LHFPL3: variants seen among roughly 807,000 people sequenced by gnomAD.
The protein encoded by LHFPL3 is LHFPL tetraspan subfamily member 3.
A neutral mutation model predicts 19.3 loss-of-function variants in LHFPL3; 5 were observed. The ratio of observed to expected loss-of-function variants is 0.26; its 90% CI spans 0.14 to 0.54. The LOEUF is 0.54. Among genes scored for constraint, LHFPL3 ranks in the 20% least tolerant of loss-of-function variants. LHFPL3 has a pLI of 0.94. For synonymous variants in LHFPL3, 133 were observed against 126.2 expected (o/e 1.05, Z -0.36); for missense variants, 249 against 307.4 (o/e 0.81, Z 1.42).
intron 1 of LHFPL3, among the ~76,000 whole-genome samples, chr7:104,430,039 G>A (rs564046303): frequency 1.9e-4 from 29 of 152,132 alleles, no homozygotes; most frequent in Admixed American, 6.5e-4. Flanking sequence ...GCTCAACATC[G>A]TCTGAGTGTA....
intron 2 of LHFPL3, among the ~76,000 whole-genome samples, chr7:104,854,125 G>C (rs1323545254): frequency 1.3e-5 from 2 of 152,118 alleles, no homozygotes; most frequent in Non-Finnish European, 1.5e-5. Context: ...CGTATACATA[G>C]GAGATACCCA....
At chr7:104,490,022 A>G (rs546913727) in intron 1 of LHFPL3, among the ~76,000 whole-genome samples, 1 of 152,298 alleles carries the variant, frequency 6.6e-6, no homozygotes, top group South Asian at 2.1e-4. Context: ...ATCCAACAGG[A>G]TAGCATAGGG....
chr7:104,842,360 A>G (rs1167381228), intron 2 of LHFPL3, among the ~76,000 whole-genome samples: 1 of 152,014 alleles, frequency 6.6e-6, no homozygotes, highest in Non-Finnish European at 1.5e-5. Context: ...GACAGCTTAC[A>G]CCTAGGAATC....
intron 1 of LHFPL3, among the ~76,000 whole-genome samples, chr7:104,513,573 C>T (rs1340716953): frequency 6.6e-6 from 1 of 152,148 alleles, no homozygotes; most frequent in East Asian, 1.9e-4. Context: ...GGGAGATCCC[C>T]ATTACATGGT....
At chr7:104,508,704 C>A in intron 1 of LHFPL3, among the ~76,000 whole-genome samples, 1 of 151,082 alleles carries the variant, frequency 6.6e-6, no homozygotes. Flanking sequence ...CTTCCATCTC[C>A]AGAATCTAGA....
intron 1 of LHFPL3, among the ~76,000 whole-genome samples, chr7:104,724,765 C>T (rs1793560695): frequency 6.8e-6 from 1 of 146,670 alleles, no homozygotes; most frequent in African/African-American, 2.5e-5. Context: ...AAATAAAAGT[C>T]AAAAGAAAAG....
chr7:104,573,537 T>C (rs2115996310), intron 1 of LHFPL3, among the ~76,000 whole-genome samples: 1 of 152,312 alleles, frequency 6.6e-6, no homozygotes, highest in South Asian at 2.1e-4. Context: ...AAATACCAAC[T>C]AGTGTGAGAT....
At chr7:104,899,783 G>A (rs758429031) in intron 2 of LHFPL3, among the ~76,000 whole-genome samples, 3 of 152,106 alleles carry the variant, frequency 2.0e-5, no homozygotes, top group Non-Finnish European at 2.9e-5. Flanking sequence ...CCAGGTTGGA[G>A]TGCAGTGGCG....
At chr7:104,846,122 A>G (rs867057726) in intron 2 of LHFPL3, among the ~76,000 whole-genome samples, 2 of 152,230 alleles carry the variant, frequency 1.3e-5, no homozygotes, top group African/African-American at 4.8e-5. Context: ...TCACACATAC[A>G]CACACATGGG....
intron 2 of LHFPL3, among the ~76,000 whole-genome samples, chr7:104,818,780 TTC>T (rs147373563): frequency 8.2e-4 from 121 of 147,550 alleles, no homozygotes; most frequent in Middle Eastern, 3.6e-3. Context: ...CCTTTCTCCT[TTC>T]TCTCTCTCTC....
In LHFPL3 at chr7:104,596,367, CT is replaced by C. The variant is rs753940077; in HGVS notation, c.446-140306del. Among the ~76,000 whole-genome samples the C allele has an allele frequency of 4.3e-4, 65 of 152,288 alleles. 1 individual carries two copies. The South Asian group carries it at 8.5e-3, about 20-fold the overall frequency. On this transcript the variant is annotated intron_variant, in intron 1 of 2. Coordinates refer to ENST00000424859, the MANE Select transcript of LHFPL3 (RefSeq NM_199000.3). ...ATTTGTTGAGACAAATCATACAAGC[CT>C]TCTTTAGAGGCAGCAATATCTTCTT...
chr7:104,799,761 T>C (rs1173370608), intron 2 of LHFPL3: 1 of 153,052 alleles, frequency 6.5e-6, no homozygotes, highest in African/African-American at 2.4e-5. Flanking sequence ...GATTCCATCA[T>C]GCTGTTGCTT....
At chr7:104,416,762 AG>A (rs1369802740) in intron 1 of LHFPL3, among the ~76,000 whole-genome samples, 18 of 152,236 alleles carry the variant, frequency 1.2e-4, no homozygotes, top group African/African-American at 4.3e-4. Flanking sequence ...CTGCTACAAC[AG>A]GAAGCCACAG....
intron 2 of LHFPL3, among the ~76,000 whole-genome samples, chr7:104,842,489 C>T (rs942574940): frequency 3.3e-5 from 5 of 152,150 alleles, no homozygotes; most frequent in Admixed American, 2.0e-4. Flanking sequence ...TCATGGCTGT[C>T]TTCACTGCAT....
At chr7:104,400,272 G>A (rs866281734) in intron 1 of LHFPL3, among the ~76,000 whole-genome samples, 1 of 151,796 alleles carries the variant, frequency 6.6e-6, no homozygotes, top group Non-Finnish European at 1.5e-5. Context: ...TTATGATGAT[G>A]GACATAAAAA....
intron 1 of LHFPL3, among the ~76,000 whole-genome samples, chr7:104,489,293 C>T (rs1793295447): frequency 2.7e-5 from 1 of 36,938 alleles, no homozygotes; most frequent in Non-Finnish European, 9.7e-5. Flanking sequence ...CGTTTTTAGC[C>T]GGGATGGTCT....
chr7:104,608,142 C>G (rs1791140343), intron 1 of LHFPL3, among the ~76,000 whole-genome samples: 1 of 152,140 alleles, frequency 6.6e-6, no homozygotes, highest in African/African-American at 2.4e-5. Flanking sequence ...CATCCCATTA[C>G]TGGGTATATA....
At chr7:104,360,694 C>CGTGTGTGTGTGTGTGTGTGTGTGT (rs61216282) in intron 1 of LHFPL3, among the ~76,000 whole-genome samples, 1 of 144,350 alleles carries the variant, frequency 6.9e-6, no homozygotes, top group Non-Finnish European at 1.5e-5. Context: ...AAAGTGCTTC[C>CGTGTGTGTGTGTGTGTGTGTGTGT]GTGTGTGTGT....
At chr7:104,529,362 T>A (rs1331085997) in intron 1 of LHFPL3, among the ~76,000 whole-genome samples, 1 of 152,146 alleles carries the variant, frequency 6.6e-6, no homozygotes, top group Non-Finnish European at 1.5e-5. Context: ...AATGTCTCCA[T>A]CACGAGGAAT....
Sources: allele counts gnomAD v4.1 joint callset (sites outside exome capture counted in the v4.1 genomes callset), GRCh38; gene constraint gnomAD v4.1.1; transcripts MANE v1.5; gene names NCBI Gene and HGNC (gene_info 2026-07-23, HGNC 2026-07-21).